The following DNAJC6 variants were observed in gnomAD, a reference collection of about 807,000 sequenced individuals.
The protein encoded by DNAJC6 is DnaJ heat shock protein family (Hsp40) member C6.
In DNAJC6, 34 loss-of-function variants were observed where a neutral mutation model predicts 110.0. The observed-to-expected ratio is 0.31, with a 90% CI of 0.24 to 0.41. DNAJC6 has a LOEUF of 0.41. Ranked by LOEUF, DNAJC6 falls within the 10% of genes least tolerant of loss-of-function variation. DNAJC6 has a pLI of 1.00. For synonymous variants in DNAJC6, 406 were observed against 437.2 expected (o/e 0.93, Z 0.89); for missense variants, 1,031 against 1,207.8 (o/e 0.85, Z 2.17).
At chr1:65,283,813 A>G (rs1653926667) in intron 1 of DNAJC6, among the ~76,000 whole-genome samples, 1 of 152,208 alleles carries the variant, frequency 6.6e-6, no homozygotes. Context: ...CTTGCCAGCA[A>G]TTGGTATAGT....
In DNAJC6 at chr1:65,384,190, C is replaced by T; in HGVS notation, c.667-3C>T. The T allele has an allele frequency of 1.3e-6, 2 of 1,488,144 alleles. No individual in the cohort carries two copies. Among genetic ancestry groups the T allele is most frequent in the Non-Finnish European group, 1.8e-6 (2 of 1,120,576 alleles). 92.2% of individuals were successfully genotyped at this position (1,488,144 alleles called of 1,614,324 possible). On this transcript the variant is annotated splice_polypyrimidine_tract_variant and splice_region_variant and intron_variant, in intron 5 of 18. Coordinates refer to ENST00000371069, the MANE Select transcript of DNAJC6 (RefSeq NM_001256864.2). ...TAATGATTTTATGCATTTTCTTTGA[C>T]AGGATGGACGGGCGGCATCATCAAT...
At chr1:65,300,679 C>T (rs1336048572) in intron 1 of DNAJC6, among the ~76,000 whole-genome samples, 3 of 152,200 alleles carry the variant, frequency 2.0e-5, no homozygotes, top group Admixed American at 6.5e-5. Context: ...CTCACGAAAC[C>T]TTTCACATTC....
chr1:65,363,363 A>C (rs1433261375), intron 1 of DNAJC6, among the ~76,000 whole-genome samples: 1 of 152,186 alleles, frequency 6.6e-6, no homozygotes, highest in East Asian at 1.9e-4. Flanking sequence ...GAGCAGCCAC[A>C]GTCTCCAACC....
intron 1 of DNAJC6, among the ~76,000 whole-genome samples, chr1:65,311,671 A>G (rs997578078): frequency 1.3e-5 from 2 of 152,254 alleles, no homozygotes; most frequent in Non-Finnish European, 2.9e-5. Context: ...TGCCACCATA[A>G]TAATGTTTAC....
chr1:65,408,632 A>G lies in DNAJC6; in HGVS notation c.2492-9A>G, dbSNP rs549958950. ...AAAACTGTAATGATTTTCAAAAATT[A>G]TATTGCAGAAGGGAAACAAAAAGCA... On this transcript the variant is annotated splice_polypyrimidine_tract_variant and intron_variant, in intron 16 of 18. Coordinates refer to ENST00000371069, the MANE Select transcript of DNAJC6 (RefSeq NM_001256864.2). 27 of 1,600,488 alleles carry G rather than the reference A, an allele frequency of 1.7e-5. No individual in the cohort carries two copies. The South Asian group carries it at 2.4e-4, about 14-fold the overall frequency.
At chr1:65,323,239 C>G (rs1244281393) in intron 1 of DNAJC6, among the ~76,000 whole-genome samples, 1 of 152,154 alleles carries the variant, frequency 6.6e-6, no homozygotes, top group Non-Finnish European at 1.5e-5. Context: ...TGTCCTCACT[C>G]AAATCTCATC....
At chr1:65,366,299 A>G in intron 4 of DNAJC6, 103 bp downstream of exon 4, 1 of 1,240,542 alleles carries the variant, frequency 8.1e-7, no homozygotes. Flanking sequence ...CTGAAGCTGA[A>G]AAACTATACA....
intron 1 of DNAJC6, among the ~76,000 whole-genome samples, chr1:65,266,421 A>G (rs1653332739): frequency 6.6e-6 from 1 of 152,216 alleles, no homozygotes; most frequent in Non-Finnish European, 1.5e-5. Context: ...TGTTTGTATT[A>G]ACATCTCATA....
chr1:65,372,041 A>G (rs1290864921), intron 4 of DNAJC6, among the ~76,000 whole-genome samples: 1 of 152,000 alleles, frequency 6.6e-6, no homozygotes, highest in Non-Finnish European at 1.5e-5. Context: ...TTAAATTAAT[A>G]TTATTTACTT....
chr1:65,303,154 G>A (rs1175560417), intron 1 of DNAJC6, among the ~76,000 whole-genome samples: 2 of 152,264 alleles, frequency 1.3e-5, no homozygotes, highest in Middle Eastern at 3.4e-3. Flanking sequence ...GTAAACTAAA[G>A]ATGGCTTCCA....
Position 65,309,734 on chromosome 1 carries a change from C to A in DNAJC6, c.-12C>A. ...CCAGGTTGATTATTTTCTCTTTTCT[C>A]CGGGCTTGCCCATGAGCCTCCTCGG... On this transcript the variant is annotated 5_prime_UTR_variant, in exon 1 of 19. Transcript: ENST00000371069. 1.3e-6 allele frequency: 2 copies of A among 1,543,314 alleles called. No homozygotes were observed. The highest frequency in any genetic ancestry group is 1.2e-5 in the South Asian group (1 of 83,898).
chr1:65,274,327 A>T (rs1653596122), intron 1 of DNAJC6, among the ~76,000 whole-genome samples: 1 of 151,530 alleles, frequency 6.6e-6, no homozygotes, highest in African/African-American at 2.4e-5. Context: ...ATTATTATAT[A>T]TTTTTTTGAG....
intron 1 of DNAJC6, among the ~76,000 whole-genome samples, chr1:65,348,235 A>G (rs1464241008): frequency 1.3e-5 from 2 of 152,236 alleles, no homozygotes; most frequent in African/African-American, 4.8e-5. Flanking sequence ...AAATTTGTCG[A>G]TAATTATTTT....
chr1:65,301,658 C>T (rs1211139869), intron 1 of DNAJC6, among the ~76,000 whole-genome samples: 1 of 152,152 alleles, frequency 6.6e-6, no homozygotes, highest in Non-Finnish European at 1.5e-5. Flanking sequence ...CTGCCATGCC[C>T]TCTCTGGGTG....
intron 15 of DNAJC6, among the ~76,000 whole-genome samples, chr1:65,403,894 T>C (rs1646052258): frequency 6.6e-6 from 1 of 152,170 alleles, no homozygotes; most frequent in Admixed American, 6.5e-5. Flanking sequence ...CAGCCTGGCA[T>C]CTAGAGGATG....
chr1:65,349,068 A>G (rs9436271), intron 1 of DNAJC6, among the ~76,000 whole-genome samples: 9 of 134,738 alleles, frequency 6.7e-5, no homozygotes, highest in Non-Finnish European at 7.7e-5. Flanking sequence ...ATATGTAAAT[A>G]CATATATAAA....
intron 11 of DNAJC6, among the ~76,000 whole-genome samples, chr1:65,390,627 G>A (rs1403271503): frequency 6.6e-6 from 1 of 152,216 alleles, no homozygotes; most frequent in Non-Finnish European, 1.5e-5. Flanking sequence ...GGGTATGAAA[G>A]GCATGGGAAA....
chr1:65,385,900 G>C lies in DNAJC6; in HGVS notation c.989G>C (p.Arg330Pro). The C allele has an allele frequency of 1.9e-6, 3 of 1,599,666 alleles. No homozygotes were observed. The highest frequency in any genetic ancestry group is 2.6e-6 in the Non-Finnish European group (3 of 1,169,004). The change falls in exon 7 of 19, where the codon CGA becomes CCA. Residue 330 changes from arginine to proline, a missense_variant. Transcript: ENST00000371069. ...TATTCGACTTGCACAGATTTTGAAC[G>C]AATGAAGTAAGTCATGATACTTTAC... ...KIYSTCTDFE[R>P]MKEYRVQDGK... is the part of the protein sequence containing the mutation.
intron 1 of DNAJC6, among the ~76,000 whole-genome samples, chr1:65,357,519 G>A (rs1202350051): frequency 6.6e-6 from 1 of 152,226 alleles, no homozygotes. Context: ...TTGGTGCCAA[G>A]TTGCTGCCCA....
Sources: gnomAD v4.1 joint callset for allele counts (sites outside exome capture counted in the v4.1 genomes callset) on GRCh38, gnomAD v4.1.1 for gene constraint, MANE v1.5 for transcripts, NCBI Gene and HGNC (gene_info 2026-07-23, HGNC 2026-07-21) for gene names.